Variants in HIRA observed in about 807,000 individuals in gnomAD.
The protein encoded by HIRA is protein HIRA.
HIRA carries 13 observed loss-of-function variants against 126.6 expected under a neutral mutation model. The observed-to-expected ratio is 0.10, with a 90% CI of 0.07 to 0.16. The LOEUF is 0.16. Among genes scored for constraint, HIRA ranks in the 10% least tolerant of loss-of-function variants. The pLI is 1.00. For missense variants in HIRA, 834 were observed against 1,314.4 expected (o/e 0.63, Z 5.65); for synonymous variants, 511 against 520.0 (o/e 0.98, Z 0.24).
chr22:19,420,473 A>AAAAC (rs2089436811), intron 1 of HIRA, among the ~76,000 whole-genome samples: 1 of 149,066 alleles, frequency 6.7e-6, no homozygotes, highest in South Asian at 2.1e-4. Context: ...AAAAAAAAAA[A>AAAAC]AAAAAAAACC....
In HIRA at chr22:19,431,511, C is replaced by T. The variant is rs368005731; in HGVS notation, c.-35G>A. On this transcript the variant is annotated 5_prime_UTR_variant, in exon 1 of 25. Coordinates refer to ENST00000263208, the MANE Select transcript of HIRA (RefSeq NM_003325.4). The stretch of plus-strand genomic sequence containing the variant: ...GCCGCCGCCGCCGGGCTGAGGCGAG[C>T]GCCGGGTCCCTCAGCGCGCCCGGGC... 1.3e-4 allele frequency: 207 copies of T among 1,556,178 alleles called. No homozygotes were observed. The African/African-American group carries it at 1.9e-3, about 14-fold the overall frequency.
intron 24 of HIRA, among the ~76,000 whole-genome samples, chr22:19,340,061 A>G (rs1171065296): frequency 2.6e-5 from 4 of 152,166 alleles, no homozygotes; most frequent in African/African-American, 9.7e-5. Flanking sequence ...AGGAAAGGAC[A>G]TAACAAAAAA....
intron 2 of HIRA, among the ~76,000 whole-genome samples, chr22:19,410,365 AG>A (rs1290754081): frequency 2.0e-5 from 3 of 152,140 alleles, no homozygotes; most frequent in African/African-American, 7.2e-5. Context: ...TTTTCAGATG[AG>A]AAAAATGCTG....
intron 9 of HIRA, 128 bp from the exon 10 acceptor site, chr22:19,388,682 C>G: frequency 1.4e-6 from 1 of 713,102 alleles, no homozygotes; most frequent in Non-Finnish European, 2.5e-6. Context: ...ATCTTCAACT[C>G]TATTCAAACT....
rs190685207 is a variant in HIRA, at chr22:19,416,362, C to T, written c.38-5584G>A. On this transcript the variant is annotated intron_variant, in intron 1 of 24. Coordinates refer to ENST00000263208, the MANE Select transcript of HIRA (RefSeq NM_003325.4). ...TTTTTGAGACAGCACCTCATTCTGT[C>T]GCCCAGGCTGGAGTGCAGTGGTATG... Among the ~76,000 whole-genome samples, 414 of 151,988 alleles carry T rather than the reference C, an allele frequency of 2.7e-3. 1 individual carries two copies. The highest frequency in any genetic ancestry group is 5.0e-3 in the Non-Finnish European group (337 of 67,972).
rs757672824 is a variant in HIRA, at chr22:19,410,717, T to G, written c.99A>C (p.Gln33His). The G allele has an allele frequency of 1.2e-6, 2 of 1,612,770 alleles. No individual in the cohort carries two copies. Among genetic ancestry groups the G allele is most frequent in the Non-Finnish European group, 1.7e-6 (2 of 1,178,814 alleles). The change falls in exon 2 of 25, where the codon CAA becomes CAC. Residue 33 changes from glutamine (Q) to histidine (H), a missense_variant and splice_region_variant. Coordinates refer to ENST00000263208, the MANE Select transcript of HIRA (RefSeq NM_003325.4). ...CCTTTCTTTATTCCATAAACATACCTTGTCCTCCAGTTGCGAACTTGGTCC... is the reference window on the plus strand; with the variant it reads ...CCTTTCTTTATTCCATAAACATACCGTGTCCTCCAGTTGCGAACTTGGTCC... ...PDGTKFATGG[Q>H]GQDSGKVVIW...
At chr22:19,384,493 C>A (rs2089106645) in intron 12 of HIRA, among the ~76,000 whole-genome samples, 1 of 151,870 alleles carries the variant, frequency 6.6e-6, no homozygotes, top group African/African-American at 2.4e-5. Flanking sequence ...TTCTAAATTG[C>A]CCTCCTGGTA....
Position 19,361,745 on chromosome 22 carries a change from A to C in HIRA, c.1962T>G (p.Pro654=). The change falls in exon 16 of 25, where the codon CCT becomes CCG. Residue 654 remains proline, a synonymous_variant. Coordinates refer to ENST00000263208, the MANE Select transcript of HIRA (RefSeq NM_003325.4). Reference sequence around the variant, plus strand: ...GCCTCACCTGGACAGACAGAGACACAGGCATGAGACGAGAGTCCTTCCGAG... The same window carrying C: ...GCCTCACCTGGACAGACAGAGACACCGGCATGAGACGAGAGTCCTTCCGAG... ...GRPRKDSRLM[P]VSLSVQSPAA... 1 of 1,612,528 alleles carries C rather than the reference A, an allele frequency of 6.2e-7. No individual in the cohort carries two copies. Among genetic ancestry groups the C allele is most frequent in the Non-Finnish European group, 8.5e-7 (1 of 1,180,004 alleles).
chr22:19,340,053 G>A (rs1427311635), intron 24 of HIRA, among the ~76,000 whole-genome samples: 1 of 152,018 alleles, frequency 6.6e-6, no homozygotes, highest in Admixed American at 6.6e-5. Flanking sequence ...CCAAAACCAG[G>A]AAAGGACATA....
chr22:19,414,629 A>G (rs2089380702), intron 1 of HIRA, among the ~76,000 whole-genome samples: 1 of 152,262 alleles, frequency 6.6e-6, no homozygotes, highest in Non-Finnish European at 1.5e-5. Flanking sequence ...TGCACTGCCC[A>G]ATAGAACTTG....
At chr22:19,383,300 A>T (rs2089093688) in intron 13 of HIRA, among the ~76,000 whole-genome samples, 1 of 152,134 alleles carries the variant, frequency 6.6e-6, no homozygotes, top group African/African-American at 2.4e-5. Flanking sequence ...ACTTTATGAA[A>T]GAAAAAAAAG....
intron 1 of HIRA, among the ~76,000 whole-genome samples, chr22:19,420,178 T>C (rs1381699225): frequency 6.6e-6 from 1 of 151,688 alleles, no homozygotes; most frequent in Non-Finnish European, 1.5e-5. Flanking sequence ...AGTTTTGAGA[T>C]TGGGCGCAGT....
At chr22:19,360,517 G>A (rs1210434184) in intron 17 of HIRA, among the ~76,000 whole-genome samples, 2 of 152,184 alleles carry the variant, frequency 1.3e-5, no homozygotes, top group Non-Finnish European at 2.9e-5. Flanking sequence ...CCTGCTCTCT[G>A]GTGCCCTGTG....
Position 19,407,168 on chromosome 22 carries a change from G to C in HIRA, c.302+16C>G, listed in dbSNP as rs1187586069. 1 of 1,599,132 alleles carries C rather than the reference G, an allele frequency of 6.3e-7. No homozygotes were observed. Among genetic ancestry groups the C allele is most frequent in the Non-Finnish European group, 8.6e-7 (1 of 1,166,670 alleles). ...CTTCTAAAAATAAAATGTGAAGAAAGGAAAATGATGCTTACGTAGCCCGCT... is the reference window on the plus strand; with the variant it reads ...CTTCTAAAAATAAAATGTGAAGAAACGAAAATGATGCTTACGTAGCCCGCT... On this transcript the variant is annotated intron_variant, in intron 4 of 24. Coordinates refer to ENST00000263208, the MANE Select transcript of HIRA (RefSeq NM_003325.4).
chr22:19,430,294 C>A (rs138085059), intron 1 of HIRA: 10 of 152,172 alleles, frequency 6.6e-5, no homozygotes, highest in African/African-American at 2.4e-4. Context: ...AAAAGAAACA[C>A]GTGAACCTAG....
At chr22:19,383,778 C>A in intron 12 of HIRA, 73 bp from the exon 13 acceptor site, 1 of 1,189,554 alleles carries the variant, frequency 8.4e-7, no homozygotes, top group Non-Finnish European at 1.2e-6. Flanking sequence ...AAAATAAAGT[C>A]TCTTTTTTTC....
At chr22:19,422,279 A>T (rs543637368) in intron 1 of HIRA, among the ~76,000 whole-genome samples, 12 of 151,866 alleles carry the variant, frequency 7.9e-5, no homozygotes, top group African/African-American at 2.9e-4. Context: ...ACACACACAC[A>T]CACAGAGTCT....
chr22:19,387,290 T>C (rs2089135779), intron 11 of HIRA, among the ~76,000 whole-genome samples: 1 of 152,202 alleles, frequency 6.6e-6, no homozygotes, highest in Non-Finnish European at 1.5e-5. Flanking sequence ...TTGTGCAATT[T>C]AAATGAAATC....
At position 19,331,576 on chromosome 22, in the gene HIRA, G is replaced by A; in HGVS notation, c.2938-20C>T. 1 of 1,572,524 alleles carries A rather than the reference G, an allele frequency of 6.4e-7. No individual in the cohort carries two copies. The highest frequency in any genetic ancestry group is 8.7e-7 in the Non-Finnish European group (1 of 1,155,268). Reference sequence around the variant, plus strand: ...CAGACCCTGTGGACACAGAGTGACAGCTGAGTGCAAGTGTCAGTGAAGAGA... The same window carrying A: ...CAGACCCTGTGGACACAGAGTGACAACTGAGTGCAAGTGTCAGTGAAGAGA... On this transcript the variant is annotated intron_variant, in intron 24 of 24. Transcript: ENST00000263208.
Sources: allele counts gnomAD v4.1 joint callset (sites outside exome capture counted in the v4.1 genomes callset), GRCh38; gene constraint gnomAD v4.1.1; transcripts MANE v1.5; gene names NCBI Gene and HGNC (gene_info 2026-07-23, HGNC 2026-07-21).